RPL18: variants seen among roughly 807,000 people sequenced by gnomAD.
RPL18 encodes ribosomal protein L18.
In RPL18, 4 loss-of-function variants were observed where a neutral mutation model predicts 25.0. The observed-to-expected ratio is 0.16, with a 90% CI of 0.08 to 0.37. The LOEUF is 0.37. Ranked by LOEUF, RPL18 falls within the 10% of genes least tolerant of loss-of-function variation. RPL18 has a pLI of 1.00. For missense variants in RPL18, 179 were observed against 267.9 expected (o/e 0.67, Z 2.32); for synonymous variants, 129 against 101.6 (o/e 1.27, Z -1.62).
chr19:48,619,132 C>G lies in RPL18; in HGVS notation c.3+9G>C, dbSNP rs1050993417. ...TTATCCAGCCCCGAACGCCGCAAAG[C>G]GAGCTCACCATGATGGCGCCTCCTG... is the stretch of plus-strand genomic sequence containing the variant. On this transcript the variant is annotated intron_variant, in intron 1 of 6. Coordinates refer to ENST00000549920, the MANE Select transcript of RPL18 (RefSeq NM_000979.4). The G allele has an allele frequency of 1.3e-6, 2 of 1,599,518 alleles. No homozygotes were observed. Among genetic ancestry groups the G allele is most frequent in the African/African-American group, 2.7e-5 (2 of 74,718 alleles).
intron 3 of RPL18, 163 bp downstream of exon 3, chr19:48,617,153 G>A (rs577860674): frequency 2.7e-6 from 2 of 754,416 alleles, no homozygotes; most frequent in Non-Finnish European, 4.8e-6. Flanking sequence ...ACTGCCCATG[G>A]ACACTCAGTT....
At chr19:48,618,848 T>C in intron 1 of RPL18, 1 of 515,570 alleles carries the variant, frequency 1.9e-6, no homozygotes, top group Non-Finnish European at 3.4e-6. Context: ...TAACTAAGAG[T>C]GGCTGCGGGT....
intron 4 of RPL18, 46 bp downstream of exon 4, chr19:48,616,680 A>G (rs1421398363): frequency 1.6e-6 from 2 of 1,276,044 alleles, no homozygotes; most frequent in East Asian, 2.3e-5. Context: ...AGCACAGCAC[A>G]GTACAGCAAG....
In RPL18 at chr19:48,616,180, C is replaced by G. The variant is rs762595008; in HGVS notation, c.320G>C (p.Ser107Thr). The change falls in exon 5 of 7, where the codon AGC (serine) becomes ACC (threonine). Residue 107 changes from serine (S) to threonine (T), a missense_variant. Physicochemically the swap from Ser to Thr is moderately conservative, Grantham distance 58. Coordinates refer to ENST00000549920, the MANE Select transcript of RPL18 (RefSeq NM_000979.4). ...KLKVCALRVTSRARSRILRAG... is the reference protein window; with the variant it reads ...KLKVCALRVTTRARSRILRAG... ...CCTGAGGATGCGGCTGCGGGCCCGG[C>G]TGGTCACGCGCAGTGCACATACCTG... 2.5e-6 allele frequency: 4 copies of G among 1,613,828 alleles called. No homozygotes were observed. The African/African-American group carries it at 5.3e-5, about 22-fold the overall frequency.
intron 5 of RPL18, 51 bp downstream of exon 5, chr19:48,616,028 T>A: frequency 6.2e-7 from 1 of 1,613,868 alleles, no homozygotes; most frequent in Non-Finnish European, 8.5e-7. Flanking sequence ...GGGTGAAGGC[T>A]GCCAGTAGCC....
At chr19:48,616,491 G>T in intron 4 of RPL18, 1 of 692,286 alleles carries the variant, frequency 1.4e-6, no homozygotes, top group Non-Finnish European at 2.6e-6. Flanking sequence ...TGGCTCTAGG[G>T]GCCAGCACTA....
chr19:48,615,821 C>G, intron 6 of RPL18, 56 bp downstream of exon 6: 1 of 1,494,766 alleles, frequency 6.7e-7, no homozygotes, highest in East Asian at 2.4e-5. Flanking sequence ...TGTGGCCAGG[C>G]CTGGCCCTGC....
chr19:48,615,365 TCC>T lies in RPL18; in HGVS notation c.*5_*6del. On this transcript the variant is annotated 3_prime_UTR_variant, in exon 7 of 7. Transcript: ENST00000549920. ...AAATCTTTTTAATAAGAGAGTAGGA[TCC>T]AGGGTTAGTTTTTGTAGCCTCGGCT... is the stretch of plus-strand genomic sequence containing the variant. The T allele has an allele frequency of 6.2e-7, 1 of 1,607,034 alleles. No individual in the cohort carries two copies. The highest frequency in any genetic ancestry group is 8.5e-7 in the Non-Finnish European group (1 of 1,175,766).
Position 48,619,101 on chromosome 19 carries a change from A to G in RPL18, c.3+40T>C, listed in dbSNP as rs199880739. 3,501 of 1,577,108 alleles carry G rather than the reference A, an allele frequency of 2.2e-3. 9 individuals are homozygous for G. The highest frequency in any genetic ancestry group is 2.8e-3 in the Non-Finnish European group (3,225 of 1,160,510). On this transcript the variant is annotated intron_variant, in intron 1 of 6. Transcript: ENST00000549920. ...CTAGCCCAAAACCACGGCGGATGGC[A>G]GCGGATTATCCAGCCCCGAACGCCG...
Position 48,615,434 on chromosome 19 carries a change from A to C in RPL18, c.505T>G (p.Ser169Ala). 1 of 1,612,730 alleles carries C rather than the reference A, an allele frequency of 6.2e-7. No homozygotes were observed. The highest frequency in any genetic ancestry group is 8.5e-7 in the Non-Finnish European group (1 of 1,179,362). ...GCACGCTCGAACTTCCGGCCCTTGGAGCGGACGTAGGGTCTGTGGGGAGAG... is the reference window on the plus strand; with the variant it reads ...GCACGCTCGAACTTCCGGCCCTTGGCGCGGACGTAGGGTCTGTGGGGAGAG... ...PHSHTKPYVRSKGRKFERARG... is the reference protein window; with the variant it reads ...PHSHTKPYVRAKGRKFERARG... Residue 169 changes from serine to alanine, a missense_variant, in exon 7 of 7, where the codon TCC becomes GCC. Transcript: ENST00000549920.
At chr19:48,615,537 GC>G in intron 6 of RPL18, 90 bp from the exon 7 acceptor site, 1 of 1,010,460 alleles carries the variant, frequency 9.9e-7, no homozygotes, top group Non-Finnish European at 1.5e-6. Flanking sequence ...GTCACATTCA[GC>G]CCCAGGAGAG....
At chr19:48,618,694 G>A (rs1259316255) in intron 1 of RPL18, 1 of 210,596 alleles carries the variant, frequency 4.7e-6, no homozygotes, top group Non-Finnish European at 9.8e-6. Context: ...ATCACAAGGT[G>A]GGAAGGGGCC....
intron 3 of RPL18, 171 bp downstream of exon 3, chr19:48,617,145 T>A: frequency 1.3e-6 from 1 of 743,474 alleles, no homozygotes; most frequent in Non-Finnish European, 2.5e-6. Context: ...ACTTGCCCAC[T>A]GCCCATGGAC....
At position 48,616,876 on chromosome 19, in the gene RPL18, C is replaced by A. The variant is rs1235440645; in HGVS notation, c.199-52G>T. 2.1e-6 allele frequency: 3 copies of A among 1,427,056 alleles called. No homozygotes were observed. In the South Asian group the frequency reaches 3.4e-5, roughly 16 times the overall value. The allele number at this position is 1,427,056 out of a possible 1,614,324, so 88.4% of individuals were successfully genotyped here. A position where few individuals can be genotyped will look rare whatever the true frequency, so the allele number is the denominator to read the frequency against. On this transcript the variant is annotated intron_variant, in intron 3 of 6. Coordinates refer to ENST00000549920, the MANE Select transcript of RPL18 (RefSeq NM_000979.4). The stretch of plus-strand genomic sequence containing the variant: ...AAGTTGTTCTGGTGTTTACATTCAG[C>A]CCCGCTTGAGGCATCCCCAGGCCAG...
chr19:48,618,629 G>A (rs1568426179), intron 1 of RPL18: 1 of 169,096 alleles, frequency 5.9e-6, no homozygotes, highest in African/African-American at 2.4e-5. Context: ...CTTGTCAGAT[G>A]AGATTACTGT....
chr19:48,617,830 C>G lies in RPL18; in HGVS notation c.51G>C (p.Glu17Asp). ...HNKDRKVRRK[E>D]PKSQDIYLRL... ...TCAGGTAGATATCCTGGCTCTTGGG[C>G]TCCTTGCGCCGAACCTTTCGGTCCT... is the stretch of plus-strand genomic sequence containing the variant. Residue 17 changes from glutamate to aspartate, a missense_variant, in exon 2 of 7, where the codon GAG (glutamate) becomes GAC (aspartate). Physicochemically the swap from Glu to Asp is conservative, Grantham distance 45. Coordinates refer to ENST00000549920, the MANE Select transcript of RPL18 (RefSeq NM_000979.4). The G allele has an allele frequency of 6.2e-7, 1 of 1,614,218 alleles. No homozygotes were observed. Among genetic ancestry groups the G allele is most frequent in the African/African-American group, 1.3e-5 (1 of 75,068 alleles).
At chr19:48,616,930 C>T (rs754698342) in intron 3 of RPL18, 106 bp from the exon 4 acceptor site, 12 of 798,748 alleles carry the variant, frequency 1.5e-5, no homozygotes, top group African/African-American at 6.8e-5. Flanking sequence ...CGGGACCCCC[C>T]ACTCACACCA....
At position 48,615,459 on chromosome 19, in the gene RPL18, G is replaced by C. The variant is rs1223652635; in HGVS notation, c.492-12C>G. ...AGCGGACGTAGGGTCTGTGGGGAGA[G>C]GAGGGAGTGAGAGGGGGGCCCTCTT... On this transcript the variant is annotated splice_polypyrimidine_tract_variant and intron_variant, in intron 6 of 6. Coordinates refer to ENST00000549920, the MANE Select transcript of RPL18 (RefSeq NM_000979.4). 3 of 1,607,526 alleles carry C rather than the reference G, an allele frequency of 1.9e-6. No homozygotes were observed. The highest frequency in any genetic ancestry group is 2.6e-6 in the Non-Finnish European group (3 of 1,176,068).
At position 48,617,893 on chromosome 19, in the gene RPL18, G is replaced by C. The variant is rs767925384; in HGVS notation, c.4-16C>G. 2 of 1,598,982 alleles carry C rather than the reference G, an allele frequency of 1.3e-6. No individual in the cohort carries two copies. The highest frequency in any genetic ancestry group is 2.7e-5 in the African/African-American group (2 of 74,580). On this transcript the variant is annotated splice_polypyrimidine_tract_variant and intron_variant, in intron 1 of 6. Transcript: ENST00000549920. ...TGTCCACTCCCTGTGGGGGTGAAGA[G>C]GCAACCATGGACCCAATTACCCCCA...
Sources: gnomAD v4.1 joint callset for allele counts on GRCh38, gnomAD v4.1.1 for gene constraint, MANE v1.5 for transcripts, NCBI Gene and HGNC (gene_info 2026-07-23, HGNC 2026-07-21) for gene names.